MSH4: variants seen among roughly 807,000 people sequenced by gnomAD.
MSH4 encodes the protein mutS protein homolog 4.
In MSH4, 106 loss-of-function variants were observed where a neutral mutation model predicts 113.7. The ratio of observed to expected loss-of-function variants is 0.93; its 90% CI spans 0.80 to 1.10. The LOEUF is 1.10. MSH4 is among the 50% of genes least tolerant of loss of function. MSH4 has a pLI of 0.00. For missense variants in MSH4, 1,061 were observed against 1,093.7 expected (o/e 0.97, Z 0.42); for synonymous variants, 368 against 380.2 (o/e 0.97, Z 0.37).
At chr1:75,880,414 C>T (rs1280577495) in intron 13 of MSH4, among the ~76,000 whole-genome samples, 2 of 152,064 alleles carry the variant, frequency 1.3e-5, no homozygotes, top group Admixed American at 6.6e-5. Context: ...ACATCAGGGG[C>T]TTACCTGGGC....
intron 19 of MSH4, among the ~76,000 whole-genome samples, chr1:75,909,816 A>G (rs1227257250): frequency 6.6e-6 from 1 of 151,944 alleles, no homozygotes; most frequent in Non-Finnish European, 1.5e-5. Context: ...TTTTTAACAA[A>G]TTTGAGGTCA....
intron 8 of MSH4, among the ~76,000 whole-genome samples, chr1:75,853,106 C>T (rs574241044): frequency 6.6e-6 from 1 of 152,116 alleles, no homozygotes; most frequent in East Asian, 1.9e-4. Context: ...ACTCTGTCAC[C>T]CAGGCTGGAA....
intron 14 of MSH4, among the ~76,000 whole-genome samples, chr1:75,881,912 AACTT>A (rs1651942786): frequency 6.6e-6 from 1 of 152,060 alleles, no homozygotes; most frequent in Non-Finnish European, 1.5e-5. Context: ...TTTCTTATCT[AACTT>A]ACCAGTAATA....
chr1:75,909,218 G>C (rs1160407363), intron 19 of MSH4, among the ~76,000 whole-genome samples: 1 of 152,150 alleles, frequency 6.6e-6, no homozygotes, highest in Non-Finnish European at 1.5e-5. Context: ...AAATGAGATT[G>C]GGAGGAATTT....
intron 19 of MSH4, among the ~76,000 whole-genome samples, chr1:75,903,157 C>T (rs552823972): frequency 9.9e-5 from 15 of 151,978 alleles, no homozygotes; most frequent in Admixed American, 2.6e-4. Context: ...ATGTTTTCTT[C>T]AAGTAGTTTC....
At chr1:75,808,287 T>C (rs1344908315) in intron 3 of MSH4, among the ~76,000 whole-genome samples, 2 of 152,200 alleles carry the variant, frequency 1.3e-5, no homozygotes, top group African/African-American at 4.8e-5. Flanking sequence ...GCTTTTTGAC[T>C]AATTTCTAAT....
At chr1:75,827,401 C>T (rs1212956069) in intron 7 of MSH4, among the ~76,000 whole-genome samples, 1 of 151,952 alleles carries the variant, frequency 6.6e-6, no homozygotes, top group African/African-American at 2.4e-5. Flanking sequence ...ATATAAACAC[C>T]AACAACACAG....
chr1:75,841,182 G>A (rs890743565), intron 7 of MSH4, among the ~76,000 whole-genome samples: 13 of 39,894 alleles, frequency 3.3e-4, no homozygotes, highest in Non-Finnish European at 4.4e-4. Flanking sequence ...CCTCCCTCCC[G>A]CTTTCTCTTC....
At chr1:75,883,294 A>G (rs1651976455) in intron 14 of MSH4, among the ~76,000 whole-genome samples, 1 of 151,468 alleles carries the variant, frequency 6.6e-6, no homozygotes, top group Admixed American at 6.6e-5. Context: ...GATTACCAGC[A>G]TGAGCCATCA....
chr1:75,840,003 A>G, intron 7 of MSH4, among the ~76,000 whole-genome samples: 1 of 148,534 alleles, frequency 6.7e-6, no homozygotes, highest in East Asian at 2.0e-4. Context: ...GGCAATCATT[A>G]AAAAGTCAGG....
chr1:75,879,338 G>A (rs189484121), intron 12 of MSH4, among the ~76,000 whole-genome samples: 3 of 152,154 alleles, frequency 2.0e-5, no homozygotes, highest in Admixed American at 6.6e-5. Context: ...CCACAGTTCT[G>A]GGAGCTTGGT....
At chr1:75,897,716 C>A (rs1652414916) in intron 17 of MSH4, among the ~76,000 whole-genome samples, 191 bp from the exon 18 acceptor site, 1 of 152,086 alleles carries the variant, frequency 6.6e-6, no homozygotes, top group African/African-American at 2.4e-5. Context: ...ATATCTTCTT[C>A]ATTTAATATA....
intron 7 of MSH4, among the ~76,000 whole-genome samples, chr1:75,833,898 C>T (rs904023126): frequency 6.6e-6 from 1 of 152,238 alleles, no homozygotes; most frequent in Non-Finnish European, 1.5e-5. Flanking sequence ...ACTAAAACAC[C>T]AAAAGCAATG....
intron 6 of MSH4, among the ~76,000 whole-genome samples, 153 bp downstream of exon 6, chr1:75,816,699 T>C (rs1278076472): frequency 6.6e-6 from 1 of 152,168 alleles, no homozygotes; most frequent in African/African-American, 2.4e-5. Flanking sequence ...CGATCTCAGC[T>C]CACTGCAACC....
At chr1:75,901,932 C>A (rs1442442457) in intron 19 of MSH4, among the ~76,000 whole-genome samples, 1 of 151,888 alleles carries the variant, frequency 6.6e-6, no homozygotes, top group Non-Finnish European at 1.5e-5. Flanking sequence ...TTTTCATATA[C>A]CTGTTGGCTA....
intron 7 of MSH4, among the ~76,000 whole-genome samples, chr1:75,832,219 T>C (rs894577918): frequency 1.3e-5 from 2 of 152,028 alleles, no homozygotes; most frequent in Admixed American, 1.3e-4. Flanking sequence ...ACATACACCC[T>C]CCCAAGACTA....
intron 9 of MSH4, among the ~76,000 whole-genome samples, chr1:75,876,184 A>G (rs534806193): frequency 2.0e-5 from 3 of 152,222 alleles, no homozygotes; most frequent in South Asian, 4.1e-4. Context: ...GAAATACTCA[A>G]CCTGGATTAA....
chr1:75,839,720 A>G lies in MSH4; in HGVS notation c.1163-8489A>G, dbSNP rs1433528335. ...GCACAGCAAAAGAAACTACCATCAG[A>G]GTGAACAGGCAACCTACAAAATGGG... On this transcript the variant is annotated intron_variant, in intron 7 of 19. Transcript: ENST00000263187. Among the ~76,000 whole-genome samples, 6 of 150,836 alleles carry G rather than the reference A, an allele frequency of 4.0e-5. No individual in the cohort carries two copies. In the South Asian group the frequency reaches 1.1e-3, roughly 27 times the overall value.
chr1:75,802,787 A>G lies in MSH4; in HGVS notation c.245-944A>G, dbSNP rs72977292. Among the ~76,000 whole-genome samples, 664 of 152,334 alleles carry G rather than the reference A, an allele frequency of 4.4e-3. 4 individuals are homozygous for G. The highest frequency in any genetic ancestry group is 0.016 in the African/African-American group (652 of 41,574). The stretch of plus-strand genomic sequence containing the variant: ...CTTGAAACTGGGTGATTATCAAGAA[A>G]GAAAACATATTTCTTGGAAGTCTGG... On this transcript the variant is annotated intron_variant, in intron 1 of 19. Transcript: ENST00000263187.
Sources: allele counts gnomAD v4.1 joint callset (sites outside exome capture counted in the v4.1 genomes callset), GRCh38; gene constraint gnomAD v4.1.1; transcripts MANE v1.5; gene names NCBI Gene and HGNC (gene_info 2026-07-23, HGNC 2026-07-21).